Variants in VPS13D observed in about 807,000 individuals in gnomAD.
VPS13D encodes intermembrane lipid transfer protein VPS13D.
Under a neutral mutation model 461.9 loss-of-function variants are expected in VPS13D, and 187 were observed. The observed-to-expected ratio is 0.40, with a 90% CI of 0.36 to 0.46. The LOEUF (loss-of-function observed/expected upper bound fraction) is 0.46. Among genes scored for constraint, VPS13D ranks in the 20% least tolerant of loss-of-function variants. The pLI is 0.60. For missense variants in VPS13D, 4,711 were observed against 5,364.9 expected, an observed-to-expected ratio of 0.88 and a Z score of 3.81; for synonymous variants, 1,951 against 1,986.3, an observed-to-expected ratio of 0.98 and a Z score of 0.47.
At chr1:12,379,680 A>G (rs896087542) in intron 57 of VPS13D, 84 bp downstream of exon 57, 1 of 956,886 alleles carries the variant, frequency 1.0e-6, no homozygotes, top group Non-Finnish European at 1.6e-6. Flanking sequence ...ATACATGATG[A>G]ATTGTTCAGT....
chr1:12,483,723 G>A (rs1645755110), intron 67 of VPS13D, among the ~76,000 whole-genome samples: 1 of 152,238 alleles, frequency 6.6e-6, no homozygotes, highest in Admixed American at 6.5e-5. Flanking sequence ...GCTTCAGCCA[G>A]GCACGGTGGC....
At chr1:12,434,399 T>TAG (rs1229648745) in intron 65 of VPS13D, among the ~76,000 whole-genome samples, 3 of 152,190 alleles carry the variant, frequency 2.0e-5, no homozygotes, top group Non-Finnish European at 2.9e-5. Context: ...CGTGTGCTCT[T>TAG]AAAGTTTGGT....
At chr1:12,231,821 C>T (rs1456602628) in intron 1 of VPS13D, among the ~76,000 whole-genome samples, 1 of 152,144 alleles carries the variant, frequency 6.6e-6, no homozygotes, top group African/African-American at 2.4e-5. Flanking sequence ...AACCCTGTCT[C>T]TACCAAAAAT....
rs1324819843 is a variant in VPS13D, at chr1:12,279,245, C to T, written c.4451-254C>T. On this transcript the variant is annotated intron_variant, in intron 19 of 69. Coordinates refer to ENST00000620676, the MANE Select transcript of VPS13D (RefSeq NM_015378.4). The surrounding 1 kb of genome is among the most constrained non-coding windows in gnomAD (Gnocchi z 4.3). ...TCACCACATCGTGCTTTGAAGCTAC[C>T]AAGTGGAGCATGTGATGAAAATATT... Among the ~76,000 whole-genome samples the T allele has an allele frequency of 6.6e-6, 1 of 152,106 alleles. No individual in the cohort carries two copies. The highest frequency in any genetic ancestry group is 1.5e-5 in the Non-Finnish European group (1 of 68,018).
intron 18 of VPS13D, among the ~76,000 whole-genome samples, chr1:12,274,821 G>A (rs901590542): frequency 2.6e-5 from 4 of 152,150 alleles, no homozygotes; most frequent in African/African-American, 9.7e-5. Context: ...GGTGGCTCAT[G>A]CCTGTAATAC....
Position 12,244,344 on chromosome 1 carries a change from G to C in VPS13D, c.274G>C (p.Glu92Gln). 1 of 1,614,152 alleles carries C rather than the reference G, an allele frequency of 6.2e-7. No homozygotes were observed. Among genetic ancestry groups the C allele is most frequent in the East Asian group, 2.2e-5 (1 of 44,880 alleles). ...ISSLHLIGAP[E>Q]KIQDFNDEKE... ...CAGCCTTCACTTAATTGGAGCCCCA[G>C]AGAAAATACAGGATTTCAATGATGA... is the stretch of plus-strand genomic sequence containing the variant. Residue 92 changes from glutamate (E) to glutamine (Q), a missense_variant, in exon 4 of 70, where the codon GAG becomes CAG. Glu to Gln is a conservative substitution (Grantham distance 29, BLOSUM62 2). This residue lies in a region of VPS13D where 4,411 missense variants were observed against 4,937.8 expected (regional missense o/e 0.89). Coordinates refer to ENST00000620676, the MANE Select transcript of VPS13D (RefSeq NM_015378.4).
At chr1:12,454,220 G>A (rs1182708589) in intron 65 of VPS13D, among the ~76,000 whole-genome samples, 2 of 152,188 alleles carry the variant, frequency 1.3e-5, no homozygotes, top group Non-Finnish European at 2.9e-5. Context: ...GTAGTTACCA[G>A]AATGGTCGAG....
chr1:12,325,142 C>T (rs1643146545), intron 35 of VPS13D, among the ~76,000 whole-genome samples: 1 of 152,038 alleles, frequency 6.6e-6, no homozygotes, highest in Non-Finnish European at 1.5e-5. Context: ...GGAATGCAAT[C>T]ATAGCTGTGG....
chr1:12,432,422 A>G (rs964921889), intron 65 of VPS13D, among the ~76,000 whole-genome samples: 1 of 151,772 alleles, frequency 6.6e-6, no homozygotes, highest in Non-Finnish European at 1.5e-5. Flanking sequence ...AAAGAGCGAA[A>G]ACATCTTTAG....
chr1:12,486,762 T>A (rs1645802806), intron 67 of VPS13D, among the ~76,000 whole-genome samples: 1 of 152,192 alleles, frequency 6.6e-6, no homozygotes, highest in Admixed American at 6.5e-5. Flanking sequence ...GGACTGCCGC[T>A]TCTTCACCCT....
intron 63 of VPS13D, among the ~76,000 whole-genome samples, chr1:12,404,503 C>G (rs1334856742): frequency 6.6e-6 from 1 of 152,154 alleles, no homozygotes; most frequent in Non-Finnish European, 1.5e-5. Context: ...CCTTCTCTAC[C>G]ACCACATCAG....
chr1:12,478,746 C>G (rs1645670559), intron 67 of VPS13D: 1 of 453,648 alleles, frequency 2.2e-6, no homozygotes, highest in Non-Finnish European at 4.4e-6. Context: ...TCCCCCCGGC[C>G]AGAAACGGGA....
At chr1:12,251,205 AAG>A (rs1246603314) in intron 6 of VPS13D, among the ~76,000 whole-genome samples, 1 of 152,256 alleles carries the variant, frequency 6.6e-6, no homozygotes, top group Admixed American at 6.5e-5. Flanking sequence ...CCCTTTATGG[AAG>A]AGCGTGCCAT....
intron 67 of VPS13D, among the ~76,000 whole-genome samples, chr1:12,485,263 G>A (rs577038996): frequency 3.3e-5 from 5 of 152,322 alleles, no homozygotes; most frequent in East Asian, 1.9e-4. Context: ...GGTTCTGAGC[G>A]GCTGTTCTCT....
At position 12,236,807 on chromosome 1, in the gene VPS13D, G is replaced by A. The variant is rs1021588138; in HGVS notation, c.97+2444G>A. On this transcript the variant is annotated intron_variant, in intron 2 of 69. Coordinates refer to ENST00000620676, the MANE Select transcript of VPS13D (RefSeq NM_015378.4). The stretch of plus-strand genomic sequence containing the variant: ...AGCTAAACTATGTGTTTGAATCCCA[G>A]TTCTTCCATTTACCAGTAACCTGGG... Among the ~76,000 whole-genome samples the A allele has an allele frequency of 1.3e-5, 2 of 152,108 alleles. 1 individual carries two copies. The highest frequency in any genetic ancestry group is 2.9e-5 in the Non-Finnish European group (2 of 68,030).
chr1:12,392,562 AAAG>A (rs1378457931), intron 60 of VPS13D, among the ~76,000 whole-genome samples: 1 of 151,460 alleles, frequency 6.6e-6, no homozygotes, highest in Non-Finnish European at 1.5e-5. Flanking sequence ...AAAAAAAAAA[AAAG>A]AAAGCACACA....
intron 65 of VPS13D, among the ~76,000 whole-genome samples, chr1:12,439,038 T>A (rs1645097057): frequency 6.6e-6 from 1 of 152,190 alleles, no homozygotes; most frequent in African/African-American, 2.4e-5. Context: ...CACTTCTCCT[T>A]GCACCCTTGC....
At chr1:12,335,267 A>T (rs369574393) in intron 38 of VPS13D, among the ~76,000 whole-genome samples, 1 of 152,160 alleles carries the variant, frequency 6.6e-6, no homozygotes, top group Non-Finnish European at 1.5e-5. Context: ...GGGTTTTGCT[A>T]TGTGGGCCAG....
At position 12,363,115 on chromosome 1, in the gene VPS13D, C is replaced by T; in HGVS notation, c.10316C>T (p.Ser3439Phe). ...GGTTACATTTCCACCCTTCCTGGTT[C>T]CAGTGTGGTGTTCCACTGGCCTCGG... is the stretch of plus-strand genomic sequence containing the variant. ...PEGYISTLPG[S>F]SVVFHWPRND... Residue 3439 changes from serine (S) to phenylalanine (F), a missense_variant, in exon 52 of 70, where the codon TCC becomes TTC. Physicochemically the swap from Ser to Phe is radical, Grantham distance 155. This residue lies in a region of VPS13D where 4,411 missense variants were observed against 4,937.8 expected (regional missense o/e 0.89). Transcript: ENST00000620676. 1 of 1,614,184 alleles carries T rather than the reference C, an allele frequency of 6.2e-7. No individual in the cohort carries two copies. The highest frequency in any genetic ancestry group is 1.3e-5 in the African/African-American group (1 of 75,034).
Sources: gnomAD v4.1 joint callset for allele counts (sites outside exome capture counted in the v4.1 genomes callset) on GRCh38, gnomAD v4.1.1 for gene constraint, gnomAD v4.1.1 regional missense constraint, Gnocchi (gnomAD v3.1) non-coding constraint, MANE v1.5 for transcripts, NCBI Gene and HGNC (gene_info 2026-07-23, HGNC 2026-07-21) for gene names.